Variants in FCRL5 observed in about 807,000 individuals in gnomAD.
The protein encoded by FCRL5 is Fc receptor-like protein 5.
Under a neutral mutation model 92.1 loss-of-function variants are expected in FCRL5, and 79 were observed. The observed-to-expected ratio is 0.86, with a 90% CI of 0.72 to 1.03. FCRL5 has a LOEUF of 1.03. FCRL5 is among the 50% of genes least tolerant of loss of function. The pLI is 0.00. For missense variants in FCRL5, 1,160 were observed against 1,181.1 expected (o/e 0.98, Z 0.26); for synonymous variants, 466 against 469.3 (o/e 0.99, Z 0.09).
rs369733611 is a variant in FCRL5 at position 157,549,967 on chromosome 1, G to GTT, written c.32-389_32-388dup. Among the ~76,000 whole-genome samples the GTT allele has an allele frequency of 2.9e-3, 446 of 152,232 alleles. 4 individuals are homozygous for GTT. Among genetic ancestry groups the GTT allele is most frequent in the African/African-American group, 9.3e-3 (385 of 41,536 alleles). On this transcript the variant is annotated intron_variant, in intron 1 of 16. Transcript: ENST00000361835. ...ATATATGTGTGTGTGTAGAGTGTGT[G>GTT]TTTGTGTGTACATGTGTTGAACAGG...
chr1:157,539,415 T>C, intron 6 of FCRL5, 51 bp from the exon 7 acceptor site: 1 of 1,501,858 alleles, frequency 6.7e-7, no homozygotes, highest in Non-Finnish European at 8.9e-7. Flanking sequence ...CCTGCTGTAG[T>C]TTTCATAAAA....
intron 9 of FCRL5, among the ~76,000 whole-genome samples, chr1:157,525,653 T>A (rs74872192): frequency 0.015 from 2,320 of 152,260 alleles, 63 homozygotes; most frequent in African/African-American, 0.051. Flanking sequence ...GTAGTCAAAA[T>A]GATGGTGGAC....
In FCRL5 at chr1:157,544,383, G is replaced by T. The variant is rs1330130230; in HGVS notation, c.723C>A (p.Leu241=). The change falls in exon 5 of 17, where the codon CTC becomes CTA. Residue 241 remains leucine, a synonymous_variant. Transcript: ENST00000361835. The part of the protein sequence containing the change: ...DDQTLGLGWS[L]SPNFQITAMW... The stretch of plus-strand genomic sequence containing the variant: ...TGGCAGTAATCTGGAAATTCGGGGA[G>T]AGACTCCAGCCTAATCCCAGGGTCT... 18 of 1,614,110 alleles carry T rather than the reference G, an allele frequency of 1.1e-5. No homozygotes were observed. Among genetic ancestry groups the T allele is most frequent in the Non-Finnish European group, 1.4e-5 (17 of 1,180,052 alleles).
At chr1:157,543,302 A>T (rs1651361533) in intron 5 of FCRL5, among the ~76,000 whole-genome samples, 165 bp from the exon 6 acceptor site, 1 of 152,208 alleles carries the variant, frequency 6.6e-6, no homozygotes, top group African/African-American at 2.4e-5. Flanking sequence ...CTTCTGCCCT[A>T]TGACTATGGA....
chr1:157,524,451 G>A lies in FCRL5; in HGVS notation c.2067C>T (p.Ile689=), dbSNP rs1252182690. ...CATCTTCATGATAAAACCAGTACAGGATTGGGGAGGAGCCTCTCAGGGCCT... is the reference window on the plus strand; with the variant it reads ...CATCTTCATGATAAAACCAGTACAGAATTGGGGAGGAGCCTCTCAGGGCCT... ...HCEALRGSSP[I]LYWFYHEDVT... is the part of the protein sequence containing the mutation. The change falls in exon 10 of 17, where the codon ATC becomes ATT. Residue 689 remains isoleucine, a synonymous_variant. Coordinates refer to ENST00000361835, the MANE Select transcript of FCRL5 (RefSeq NM_031281.3). The A allele has an allele frequency of 1.2e-6, 2 of 1,614,242 alleles. No homozygotes were observed. Among genetic ancestry groups the A allele is most frequent in the Admixed American group, 3.3e-5 (2 of 60,030 alleles).
In FCRL5 at chr1:157,515,439, G is replaced by T; in HGVS notation, c.*236C>A. 1.4e-6 allele frequency: 1 copy of T among 705,904 alleles called. No individual in the cohort carries two copies. The highest frequency in any genetic ancestry group is 2.3e-6 in the Non-Finnish European group (1 of 439,514). 43.7% of individuals were successfully genotyped at this position (705,904 alleles called of 1,614,324 possible). A position where few individuals can be genotyped will look rare whatever the true frequency, so the allele number is the denominator to read the frequency against. On this transcript the variant is annotated 3_prime_UTR_variant, in exon 17 of 17. Coordinates refer to ENST00000361835, the MANE Select transcript of FCRL5 (RefSeq NM_031281.3). Reference sequence around the variant, plus strand: ...TCCAGGAGATGTGCTGGGCCCTGGAGTGGGAGCACCTTGCCACTGGATTAA... The same window carrying T: ...TCCAGGAGATGTGCTGGGCCCTGGATTGGGAGCACCTTGCCACTGGATTAA...
intron 9 of FCRL5, among the ~76,000 whole-genome samples, chr1:157,525,828 G>A (rs538758711): frequency 6.6e-6 from 1 of 152,320 alleles, no homozygotes; most frequent in Admixed American, 6.5e-5. Context: ...GTGTTTCACA[G>A]AGGTAGGAAC....
Position 157,518,327 on chromosome 1 carries a change from C to T in FCRL5, c.2812+102G>A, listed in dbSNP as rs2151156. ...AAGCCCCATGACCCAGTGGGAGGGGCGGCTCTATGCCTGTCTGGCTCAGAT... is the reference window on the plus strand; with the variant it reads ...AAGCCCCATGACCCAGTGGGAGGGGTGGCTCTATGCCTGTCTGGCTCAGAT... On this transcript the variant is annotated intron_variant, in intron 15 of 16. Coordinates refer to ENST00000361835, the MANE Select transcript of FCRL5 (RefSeq NM_031281.3). 1.1e-3 allele frequency: 1,096 copies of T among 972,020 alleles called. 10 individuals are homozygous for T. In the African/African-American group the frequency reaches 0.016, roughly 14 times the overall value. The allele number at this position is 972,020 out of a possible 1,614,324, so 60.2% of individuals were successfully genotyped here.
At chr1:157,541,022 T>C (rs1241650250) in intron 6 of FCRL5, among the ~76,000 whole-genome samples, 2 of 152,226 alleles carry the variant, frequency 1.3e-5, no homozygotes, top group Non-Finnish European at 2.9e-5. Flanking sequence ...ATTCTGATTC[T>C]AGTCTGTCTT....
rs1056346892 is a variant in FCRL5 at position 157,513,930 on chromosome 1, T to A, written c.*1745A>T. On this transcript the variant is annotated 3_prime_UTR_variant, in exon 17 of 17. Coordinates refer to ENST00000361835, the MANE Select transcript of FCRL5 (RefSeq NM_031281.3). Reference sequence around the variant, plus strand: ...AAAGCGGCCTCGGTGGGAATGCATTTCTCTTGCTCCACGTCTATTTTAGTT... The same window carrying A: ...AAAGCGGCCTCGGTGGGAATGCATTACTCTTGCTCCACGTCTATTTTAGTT... 1 of 152,202 alleles carries A rather than the reference T, an allele frequency of 6.6e-6. No homozygotes were observed. Among genetic ancestry groups the A allele is most frequent in the Non-Finnish European group, 1.5e-5 (1 of 68,042 alleles). 9.4% of individuals were successfully genotyped at this position (152,202 alleles called of 1,614,324 possible).
At chr1:157,535,181 T>C (rs1650911256) in intron 7 of FCRL5, among the ~76,000 whole-genome samples, 1 of 152,212 alleles carries the variant, frequency 6.6e-6, no homozygotes, top group African/African-American at 2.4e-5. Context: ...AAAAAATTCC[T>C]TGTCTTGCCA....
intron 3 of FCRL5, among the ~76,000 whole-genome samples, chr1:157,545,522 G>GTTTTTTTT (rs754972248): frequency 3.2e-4 from 27 of 84,964 alleles, no homozygotes; most frequent in Admixed American, 6.1e-4. Flanking sequence ...TCTTTAATGA[G>GTTTTTTTT]TTTTTTTTTT....
chr1:157,520,319 G>T, intron 12 of FCRL5, 112 bp downstream of exon 12: 2 of 730,072 alleles, frequency 2.7e-6, no homozygotes, highest in Non-Finnish European at 2.4e-6. Flanking sequence ...TTGAGGGACA[G>T]AGCGGATGAG....
intron 11 of FCRL5, 72 bp downstream of exon 11, chr1:157,520,945 T>C (rs1271766697): frequency 1.1e-5 from 16 of 1,514,470 alleles, no homozygotes; most frequent in African/African-American, 1.4e-5. Context: ...GATCAAGCAC[T>C]GTGAGGGTTA....
At chr1:157,515,817 A>T (rs767411276) in intron 16 of FCRL5, 25 bp downstream of exon 16, 2 of 1,611,794 alleles carry the variant, frequency 1.2e-6, no homozygotes, top group African/African-American at 2.7e-5. Flanking sequence ...GGGGTGGGGG[A>T]GGGCATGCAG....
At chr1:157,523,609 A>C (rs938498063) in intron 10 of FCRL5, among the ~76,000 whole-genome samples, 1 of 152,246 alleles carries the variant, frequency 6.6e-6, no homozygotes, top group African/African-American at 2.4e-5. Flanking sequence ...AAAAAGATTC[A>C]GAGCTCACTA....
In FCRL5 at chr1:157,521,250, G is replaced by C. The variant is rs900884937; in HGVS notation, c.2282C>G (p.Thr761Ser). 4 of 1,613,824 alleles carry C rather than the reference G, an allele frequency of 2.5e-6. No homozygotes were observed. The African/African-American group carries it at 4.0e-5, about 16-fold the overall frequency. ...RPVLTLRAPG[T>S]HAAVGDLLEL... ...CAGCAGGTCCCCCACCGCAGCATGGGTCCCGGGAGCCCTGAGGGTGAGGAC... is the reference window on the plus strand; with the variant it reads ...CAGCAGGTCCCCCACCGCAGCATGGCTCCCGGGAGCCCTGAGGGTGAGGAC... The change falls in exon 11 of 17, where the codon ACC becomes AGC. Residue 761 changes from threonine to serine, a missense_variant. Physicochemically the swap from Thr to Ser is moderately conservative, Grantham distance 58. Transcript: ENST00000361835.
intron 1 of FCRL5, among the ~76,000 whole-genome samples, chr1:157,552,036 A>T (rs779934137): frequency 2.6e-5 from 4 of 152,228 alleles, no homozygotes; most frequent in Non-Finnish European, 5.9e-5. Flanking sequence ...AACAAACATG[A>T]AACATTCTCT....
chr1:157,543,203 C>T, intron 5 of FCRL5, 66 bp from the exon 6 acceptor site: 2 of 1,505,400 alleles, frequency 1.3e-6, no homozygotes, highest in Non-Finnish European at 1.8e-6. Context: ...AAGGCATGGC[C>T]AGTGCAAATG....
Sources: allele counts gnomAD v4.1 joint callset (sites outside exome capture counted in the v4.1 genomes callset), GRCh38; gene constraint gnomAD v4.1.1; transcripts MANE v1.5; gene names NCBI Gene and HGNC (gene_info 2026-07-23, HGNC 2026-07-21).